LSAMP: variants seen among roughly 807,000 people sequenced by gnomAD.
LSAMP encodes the protein limbic system associated membrane protein.
LSAMP carries 7 observed loss-of-function variants against 38.6 expected under a neutral mutation model. That is an observed-to-expected ratio of 0.18 (90% CI 0.10 to 0.34). The LOEUF (loss-of-function observed/expected upper bound fraction) is 0.34, where lower values mean the gene tolerates loss of function less well. Ranked by LOEUF, LSAMP falls within the 10% of genes least tolerant of loss-of-function variation. The pLI, the probability that LSAMP is intolerant of heterozygous loss-of-function variation, is 1.00. For synonymous variants in LSAMP, 154 were observed against 166.8 expected (o/e 0.92, Z 0.59); for missense variants, 313 against 420.0 (o/e 0.75, Z 2.23).
chr3:115,863,508 A>G (rs1340656930), intron 3 of LSAMP, among the ~76,000 whole-genome samples: 2 of 151,402 alleles, frequency 1.3e-5, no homozygotes, highest in African/African-American at 4.9e-5. Flanking sequence ...CTTCTAAACA[A>G]TGGGATTCAA....
chr3:116,040,014 T>C (rs1264042920), intron 2 of LSAMP, among the ~76,000 whole-genome samples: 2 of 151,854 alleles, frequency 1.3e-5, no homozygotes, highest in African/African-American at 4.8e-5. Flanking sequence ...AAAAAACTGG[T>C]CCCCTTTTCT....
At chr3:116,073,432 G>A (rs1264989653) in intron 2 of LSAMP, among the ~76,000 whole-genome samples, 1 of 152,090 alleles carries the variant, frequency 6.6e-6, no homozygotes, top group Non-Finnish European at 1.5e-5. Context: ...TTTTAAAATA[G>A]TTTTTTTCTA....
chr3:116,049,968 G>A (rs1941362571), intron 2 of LSAMP, among the ~76,000 whole-genome samples: 1 of 152,108 alleles, frequency 6.6e-6, no homozygotes, highest in Non-Finnish European at 1.5e-5. Flanking sequence ...TTCTTTTGCT[G>A]GATACCCTCC....
intron 1 of LSAMP, among the ~76,000 whole-genome samples, chr3:116,292,300 TAAG>T (rs2047277683): frequency 6.6e-6 from 1 of 152,068 alleles, no homozygotes; most frequent in African/African-American, 2.4e-5. Flanking sequence ...AAGCAGCACA[TAAG>T]AATGAAAAGA....
rs534926954 is a variant in LSAMP, at chr3:116,031,962, G to A, written c.389-12322C>T. 2.0e-5 allele frequency among the ~76,000 whole-genome samples: 3 copies of A among 152,122 alleles called. No individual in the cohort carries two copies. In the East Asian group the frequency reaches 5.8e-4, roughly 29 times the overall value. Reference sequence around the variant, plus strand: ...TAGAAAACACAGTAGTTGCTGCAAAGGTTAAACATAGCTAGGAGAGATAGA... The same window carrying A: ...TAGAAAACACAGTAGTTGCTGCAAAAGTTAAACATAGCTAGGAGAGATAGA... On this transcript the variant is annotated intron_variant, in intron 2 of 6. Transcript: ENST00000490035.
chr3:115,861,952 C>T (rs534176079), intron 3 of LSAMP, among the ~76,000 whole-genome samples: 13 of 152,216 alleles, frequency 8.5e-5, no homozygotes, highest in African/African-American at 2.4e-4. Context: ...TTTATGACCT[C>T]GGGTGCGGGG....
intron 1 of LSAMP, among the ~76,000 whole-genome samples, chr3:116,406,284 C>G (rs1188787689): frequency 6.6e-6 from 1 of 152,204 alleles, no homozygotes; most frequent in Non-Finnish European, 1.5e-5. Context: ...TATCCAAACA[C>G]CCAGCTCTTT....
intron 1 of LSAMP, among the ~76,000 whole-genome samples, chr3:116,349,635 C>T (rs2048111486): frequency 6.6e-6 from 1 of 151,544 alleles, no homozygotes; most frequent in Admixed American, 6.6e-5. Flanking sequence ...TTGACCCTCA[C>T]AAAATATATT....
At chr3:115,854,771 G>A (rs1935455219) in intron 3 of LSAMP, among the ~76,000 whole-genome samples, 1 of 152,124 alleles carries the variant, frequency 6.6e-6, no homozygotes, top group South Asian at 2.1e-4. Context: ...TTGATGCTAA[G>A]ACTCTTCTAG....
chr3:116,084,196 T>C (rs1707936341), intron 2 of LSAMP, among the ~76,000 whole-genome samples: 1 of 152,018 alleles, frequency 6.6e-6, no homozygotes, highest in Admixed American at 6.6e-5. Flanking sequence ...TTAAATGAGA[T>C]AGTAGATAAA....
At chr3:116,120,555 T>C (rs142189159) in intron 1 of LSAMP, among the ~76,000 whole-genome samples, 1 of 152,254 alleles carries the variant, frequency 6.6e-6, no homozygotes, top group East Asian at 1.9e-4. Flanking sequence ...TTACTTGCAG[T>C]AGAAGTCAGA....
chr3:116,020,395 T>C (rs552089685), intron 2 of LSAMP, among the ~76,000 whole-genome samples: 1 of 152,332 alleles, frequency 6.6e-6, no homozygotes, highest in East Asian at 1.9e-4. Flanking sequence ...ATTACTTCAA[T>C]AACTTCTTAC....
chr3:116,299,857 G>C (rs1011766732), intron 1 of LSAMP, among the ~76,000 whole-genome samples: 2 of 150,254 alleles, frequency 1.3e-5, no homozygotes, highest in African/African-American at 2.5e-5. Flanking sequence ...CTGAAAGGCT[G>C]TGGGGAAACC....
chr3:115,943,432 G>A (rs1182539330), intron 3 of LSAMP, among the ~76,000 whole-genome samples: 1 of 152,116 alleles, frequency 6.6e-6, no homozygotes, highest in Non-Finnish European at 1.5e-5. Flanking sequence ...TCTTCACTGA[G>A]GTGACCACCC....
chr3:116,024,093 G>T (rs1426574022), intron 2 of LSAMP, among the ~76,000 whole-genome samples: 1 of 152,076 alleles, frequency 6.6e-6, no homozygotes, highest in Non-Finnish European at 1.5e-5. Context: ...ATGCCGTGCT[G>T]TGTTCTCACC....
At chr3:116,158,647 G>A (rs1255249071) in intron 1 of LSAMP, among the ~76,000 whole-genome samples, 1 of 152,048 alleles carries the variant, frequency 6.6e-6, no homozygotes, top group Non-Finnish European at 1.5e-5. Context: ...AACCAGGGAG[G>A]TGAAAGACCT....
chr3:116,254,288 T>C (rs2046722239), intron 1 of LSAMP, among the ~76,000 whole-genome samples: 1 of 152,130 alleles, frequency 6.6e-6, no homozygotes, highest in Non-Finnish European at 1.5e-5. Flanking sequence ...TCATGTAACA[T>C]ACAGATTTAT....
At chr3:115,872,617 G>A (rs1381226355) in intron 3 of LSAMP, among the ~76,000 whole-genome samples, 1 of 152,004 alleles carries the variant, frequency 6.6e-6, no homozygotes, top group Admixed American at 6.6e-5. Context: ...TGTTTAAATG[G>A]TATGCAGAAT....
intron 1 of LSAMP, among the ~76,000 whole-genome samples, chr3:116,281,749 T>C (rs578007532): frequency 6.6e-6 from 1 of 152,310 alleles, no homozygotes; most frequent in East Asian, 1.9e-4. Flanking sequence ...ATGATTTCAT[T>C]TAGAGTGTCA....
Sources: allele counts gnomAD v4.1 joint callset (sites outside exome capture counted in the v4.1 genomes callset), GRCh38; gene constraint gnomAD v4.1.1; transcripts MANE v1.5; gene names NCBI Gene and HGNC (gene_info 2026-07-23, HGNC 2026-07-21).